Variants in CDYL observed in about 807,000 individuals in gnomAD.
The protein encoded by CDYL is chromodomain Y-like protein.
A neutral mutation model predicts 47.3 loss-of-function variants in CDYL; 8 were observed. The observed-to-expected ratio is 0.17, with a 90% confidence interval of 0.10 to 0.31. The LOEUF (loss-of-function observed/expected upper bound fraction) is 0.31. Among genes scored for constraint, CDYL ranks in the 10% least tolerant of loss-of-function variants. The pLI, the probability that CDYL is intolerant of heterozygous loss-of-function variation, is 1.00. For synonymous variants in CDYL, 266 were observed against 265.0 expected, an observed-to-expected ratio of 1.00 and a Z score of -0.04; for missense variants, 471 against 701.4, an observed-to-expected ratio of 0.67 and a Z score of 3.71.
At position 4,789,100 on chromosome 6, in the gene CDYL, G is replaced by C. The variant is rs758973603; in HGVS notation, c.24+12293G>C. Among the ~76,000 whole-genome samples the C allele has an allele frequency of 2.0e-5, 3 of 152,172 alleles. No individual in the cohort carries two copies. The South Asian group carries it at 6.2e-4, about 32-fold the overall frequency. ...TTTTTGTTTGTTTGTTTTTGAGACA[G>C]GGTCTTGCTCTGTTGCCCAGGCTGG... On this transcript the variant is annotated intron_variant, in intron 1 of 6. Coordinates refer to ENST00000397588, the MANE Select transcript of CDYL (RefSeq NM_004824.4).
chr6:4,837,090 A>T (rs1760338609), intron 1 of CDYL, among the ~76,000 whole-genome samples: 1 of 152,170 alleles, frequency 6.6e-6, no homozygotes, highest in African/African-American at 2.4e-5. Flanking sequence ...ATAAATGAGG[A>T]TCCAGATAAG....
intron 1 of CDYL, among the ~76,000 whole-genome samples, chr6:4,713,691 A>T (rs1166001056): frequency 6.6e-6 from 1 of 151,894 alleles, no homozygotes; most frequent in Non-Finnish European, 1.5e-5. Flanking sequence ...GGGTTCAAGA[A>T]GTTCTCCTGT....
intron 1 of CDYL, among the ~76,000 whole-genome samples, chr6:4,799,512 C>T (rs897214818): frequency 1.3e-5 from 2 of 152,098 alleles, no homozygotes; most frequent in Admixed American, 6.6e-5. Context: ...GTGGCGTGAT[C>T]ATGGCTCAGC....
At chr6:4,925,704 A>T (rs1757853245) in intron 2 of CDYL, among the ~76,000 whole-genome samples, 1 of 152,132 alleles carries the variant, frequency 6.6e-6, no homozygotes, top group South Asian at 2.1e-4. Context: ...TGAAGAGTAG[A>T]CTGTCCTCCA....
intron 3 of CDYL, among the ~76,000 whole-genome samples, chr6:4,750,333 G>C (rs1179859797): frequency 1.3e-5 from 2 of 152,050 alleles, no homozygotes; most frequent in Non-Finnish European, 2.9e-5. Context: ...CTCCCATGTA[G>C]CTGGGACTAC....
intron 1 of CDYL, among the ~76,000 whole-genome samples, chr6:4,715,081 T>C (rs1243688593): frequency 6.6e-6 from 1 of 152,224 alleles, no homozygotes; most frequent in Admixed American, 6.5e-5. Context: ...ACCCTCTGCA[T>C]AGGCACGCCC....
chr6:4,860,622 CAT>C (rs1333968968), intron 1 of CDYL, among the ~76,000 whole-genome samples: 18 of 144,418 alleles, frequency 1.2e-4, no homozygotes, highest in African/African-American at 4.6e-4. Context: ...TATTTTGTAT[CAT>C]ATTATGTATA....
chr6:4,943,770 TAAAAAA>T lies in CDYL; in HGVS notation c.1332+26_1332+31del. ...GGAGGAGCATCTGTGAGTACCTTTT[TAAAAAA>T]AAAAAAAAAAAGTCATTCTAGAAAG... On this transcript the variant is annotated intron_variant, in intron 5 of 6. Coordinates refer to ENST00000397588, the MANE Select transcript of CDYL (RefSeq NM_004824.4). 5.1e-6 allele frequency: 6 copies of T among 1,172,864 alleles called. No individual in the cohort carries two copies. Among genetic ancestry groups the T allele is most frequent in the South Asian group, 1.5e-5 (1 of 64,526 alleles). 72.7% of individuals were successfully genotyped at this position (1,172,864 alleles called of 1,614,324 possible).
intron 1 of CDYL, among the ~76,000 whole-genome samples, chr6:4,830,845 T>C (rs1760121097): frequency 6.7e-6 from 1 of 148,260 alleles, no homozygotes; most frequent in Non-Finnish European, 1.5e-5. Flanking sequence ...TGAGTGAGAA[T>C]ATGCGGTGTT....
At chr6:4,799,501 A>G (rs1207138896) in intron 1 of CDYL, among the ~76,000 whole-genome samples, 19 of 151,798 alleles carry the variant, frequency 1.3e-4, no homozygotes, top group Non-Finnish European at 5.9e-5. Flanking sequence ...GTTGGAGTGC[A>G]GTGGCGTGAT....
At chr6:4,774,881 T>G (rs1203412475), upstream of CDYL, 1 of 152,374 alleles carries the variant, frequency 6.6e-6, no homozygotes, top group South Asian at 2.1e-4. Flanking sequence ...ATCCCTGAGC[T>G]GGGAGTTTGT....
intron 2 of CDYL, among the ~76,000 whole-genome samples, chr6:4,920,069 G>A (rs1463488823): frequency 2.0e-5 from 3 of 152,264 alleles, no homozygotes; most frequent in South Asian, 4.1e-4. Flanking sequence ...TGAACCTTGC[G>A]GACATGGTGC....
chr6:4,892,527 C>G, intron 2 of CDYL, 148 bp downstream of exon 2: 1 of 799,444 alleles, frequency 1.3e-6, no homozygotes, highest in South Asian at 2.0e-5. Flanking sequence ...CTCCTTTCTT[C>G]GCTGGAAGCC....
intron 1 of CDYL, among the ~76,000 whole-genome samples, chr6:4,712,421 G>C (rs536342916): frequency 2.0e-5 from 3 of 152,216 alleles, no homozygotes; most frequent in African/African-American, 7.2e-5. Flanking sequence ...AGTGGCCAGC[G>C]GAGTGAGAAA....
chr6:4,733,406 T>C (rs1045143500), intron 2 of CDYL, among the ~76,000 whole-genome samples: 7 of 146,214 alleles, frequency 4.8e-5, no homozygotes, highest in African/African-American at 1.8e-4. Context: ...TAAAAATGTA[T>C]GTGACTCAGA....
chr6:4,867,646 A>G (rs1368932547), intron 1 of CDYL, among the ~76,000 whole-genome samples: 1 of 152,010 alleles, frequency 6.6e-6, no homozygotes, highest in Admixed American at 6.5e-5. Context: ...TGTGAAACCA[A>G]CTCTGAATTC....
At chr6:4,879,589 G>A (rs944584549) in intron 1 of CDYL, among the ~76,000 whole-genome samples, 89 of 117,380 alleles carry the variant, frequency 7.6e-4, no homozygotes, top group Middle Eastern at 0.013. Context: ...ACAGAGTTTC[G>A]CTCTTGTTGC....
chr6:4,840,208 C>T (rs1760446706), intron 1 of CDYL, among the ~76,000 whole-genome samples: 1 of 151,752 alleles, frequency 6.6e-6, no homozygotes. Flanking sequence ...TGAGTCTCAC[C>T]TTGGTTGTTG....
chr6:4,742,364 CA>C (rs60712483), intron 3 of CDYL, among the ~76,000 whole-genome samples: 7,635 of 52,546 alleles, frequency 0.15, 213 homozygotes, highest in Middle Eastern at 0.21. Flanking sequence ...GATCCTGTCT[CA>C]AAAAAAAAAA....
Sources: gnomAD v4.1 joint callset for allele counts (sites outside exome capture counted in the v4.1 genomes callset) on GRCh38, gnomAD v4.1.1 for gene constraint, MANE v1.5 for transcripts, NCBI Gene and HGNC (gene_info 2026-07-23, HGNC 2026-07-21) for gene names.